Variants in REDIC1 observed in about 807,000 individuals in gnomAD.
REDIC1 encodes HEI10 Interacting Protein 1.
the REDIC1 span, among the ~76,000 whole-genome samples, chr12:39,671,117 G>A: frequency 1.3e-5 from 2 of 152,042 alleles, no homozygotes; most frequent in East Asian, 1.9e-4. Flanking sequence ...TTTCATGTTT[G>A]TGTTCTTTCA....
chr12:39,840,121 T>G, the REDIC1 span, among the ~76,000 whole-genome samples: 3 of 152,042 alleles, frequency 2.0e-5, no homozygotes, highest in African/African-American at 7.2e-5. Flanking sequence ...AACCTCCGCC[T>G]CCTGGGTTTA....
At chr12:39,749,767 G>A in the REDIC1 span, among the ~76,000 whole-genome samples, 95 of 152,162 alleles carry the variant, frequency 6.2e-4, no homozygotes, top group African/African-American at 2.0e-3. Flanking sequence ...TTCAACATAC[G>A]GAAATCAATA....
At chr12:39,784,215 A>G in the REDIC1 span, among the ~76,000 whole-genome samples, 1 of 152,164 alleles carries the variant, frequency 6.6e-6, no homozygotes, top group Middle Eastern at 3.2e-3. Context: ...ACAGAATTGG[A>G]AAAAACTACT....
the REDIC1 span, among the ~76,000 whole-genome samples, chr12:39,865,129 A>G: frequency 3.3e-5 from 5 of 152,248 alleles, no homozygotes; most frequent in South Asian, 4.1e-4. Context: ...TACATTTGCT[A>G]GCCAAACAGT....
chr12:39,712,354 A>G, the REDIC1 span, among the ~76,000 whole-genome samples: 10 of 7,530 alleles, frequency 1.3e-3, no homozygotes, highest in Non-Finnish European at 6.0e-3. Context: ...TTATATATAC[A>G]TACATACATA....
the REDIC1 span, among the ~76,000 whole-genome samples, chr12:39,900,060 C>T: frequency 6.6e-6 from 1 of 152,054 alleles, no homozygotes; most frequent in African/African-American, 2.4e-5. Context: ...AAATGTAATC[C>T]AGCATATAAA....
the REDIC1 span, chr12:39,647,962 A>G: frequency 3.2e-6 from 5 of 1,558,806 alleles, no homozygotes; most frequent in South Asian, 1.2e-5. Context: ...CATATGAAAA[A>G]AAGCAGAATG....
chr12:39,862,177 C>A, the REDIC1 span, among the ~76,000 whole-genome samples: 2 of 152,154 alleles, frequency 1.3e-5, no homozygotes, highest in East Asian at 3.8e-4. Flanking sequence ...CAATCAAAAA[C>A]TTAAAATATT....
chr12:39,842,420 G>A, the REDIC1 span, among the ~76,000 whole-genome samples: 1 of 151,976 alleles, frequency 6.6e-6, no homozygotes, highest in Admixed American at 6.6e-5. Flanking sequence ...CCTTTAGTTT[G>A]TTGAAATGTA....
the REDIC1 span, among the ~76,000 whole-genome samples, chr12:39,633,721 G>A: frequency 6.6e-6 from 1 of 152,118 alleles, no homozygotes; most frequent in Non-Finnish European, 1.5e-5. Flanking sequence ...TGATAGGAAG[G>A]TTTCAGCATC....
At chr12:39,742,805 AG>A in the REDIC1 span, among the ~76,000 whole-genome samples, 10 of 152,214 alleles carry the variant, frequency 6.6e-5, no homozygotes, top group African/African-American at 2.4e-4. Flanking sequence ...GCGAAAAGCA[AG>A]GTGACAGGAA....
At chr12:39,664,790 T>G in the REDIC1 span, among the ~76,000 whole-genome samples, 2 of 152,228 alleles carry the variant, frequency 1.3e-5, no homozygotes, top group Non-Finnish European at 2.9e-5. Flanking sequence ...AGATGGTATC[T>G]CATTGTGGTT....
At chr12:39,663,480 G>A in the REDIC1 span, among the ~76,000 whole-genome samples, 3 of 152,018 alleles carry the variant, frequency 2.0e-5, no homozygotes, top group Non-Finnish European at 4.4e-5. Context: ...CTTAAGAGAT[G>A]AATTGAGTTT....
the REDIC1 span, chr12:39,722,060 T>A: frequency 6.6e-6 from 1 of 152,128 alleles, no homozygotes; most frequent in Non-Finnish European, 1.5e-5. Flanking sequence ...TTGATATATT[T>A]CATGGTACAC....
chr12:39,772,837 C>T, the REDIC1 span, among the ~76,000 whole-genome samples: 3 of 149,936 alleles, frequency 2.0e-5, no homozygotes, highest in Admixed American at 1.3e-4. Flanking sequence ...TGGCTATGCA[C>T]GTTTACATGT....
At chr12:39,879,460 GC>G in the REDIC1 span, among the ~76,000 whole-genome samples, 1 of 152,224 alleles carries the variant, frequency 6.6e-6, no homozygotes, top group African/African-American at 2.4e-5. Context: ...GGTGCCCAAG[GC>G]CTTGGGAGCC....
the REDIC1 span, among the ~76,000 whole-genome samples, chr12:39,675,691 C>G: frequency 6.6e-6 from 1 of 152,238 alleles, no homozygotes; most frequent in Non-Finnish European, 1.5e-5. Context: ...AGGACTCCCA[C>G]AGAGTCCACA....
At chr12:39,674,581 G>C in the REDIC1 span, among the ~76,000 whole-genome samples, 11 of 152,160 alleles carry the variant, frequency 7.2e-5, no homozygotes, top group East Asian at 1.9e-4. Context: ...AAAGTGTGAG[G>C]GGGGGATAGC....
At chr12:39,647,789 T>C in the REDIC1 span, 1 of 1,502,432 alleles carries the variant, frequency 6.7e-7, no homozygotes, top group Non-Finnish European at 8.9e-7. Flanking sequence ...TTCTTTCCTA[T>C]AGTCACAAGG....
Sources: allele counts gnomAD v4.1 joint callset (sites outside exome capture counted in the v4.1 genomes callset), GRCh38; gene constraint gnomAD v4.1.1; transcripts MANE v1.5; gene names NCBI Gene and HGNC (gene_info 2026-07-23, HGNC 2026-07-21).